The following MLLT3 variants were observed in gnomAD, a reference collection of about 807,000 sequenced individuals.
MLLT3 encodes MLLT3 super elongation complex subunit.
Under a neutral mutation model 53.2 loss-of-function variants are expected in MLLT3, and 4 were observed. The ratio of observed to expected loss-of-function variants is 0.08; its 90% CI spans 0.04 to 0.17. The LOEUF is 0.17. MLLT3 is among the 10% of genes least tolerant of loss of function. The probability of loss-of-function intolerance (pLI) is 1.00; values close to 1 mark genes in which losing one functional copy is unlikely to be tolerated. For synonymous variants in MLLT3, 283 were observed against 230.6 expected (o/e 1.23, Z -2.06); for missense variants, 569 against 684.0 (o/e 0.83, Z 1.87).
At chr9:20,559,182 A>G (rs2131150348) in intron 2 of MLLT3, among the ~76,000 whole-genome samples, 1 of 152,302 alleles carries the variant, frequency 6.6e-6, no homozygotes, top group South Asian at 2.1e-4. Flanking sequence ...GTAAAGTTAT[A>G]CTTTATAATA....
intron 8 of MLLT3, among the ~76,000 whole-genome samples, chr9:20,359,343 G>A (rs1158926183): frequency 6.6e-6 from 1 of 152,056 alleles, no homozygotes; most frequent in East Asian, 1.9e-4. Context: ...ACTTGTGGTG[G>A]CAGGCATCCA....
At chr9:20,591,272 G>C (rs1415263102) in intron 2 of MLLT3, among the ~76,000 whole-genome samples, 1 of 152,112 alleles carries the variant, frequency 6.6e-6, no homozygotes, top group African/African-American at 2.4e-5. Context: ...TACAGCAGAG[G>C]TGCTGCAATT....
intron 5 of MLLT3, among the ~76,000 whole-genome samples, chr9:20,377,729 TG>T (rs1029769614): frequency 2.0e-5 from 3 of 152,176 alleles, no homozygotes; most frequent in Admixed American, 1.3e-4. Context: ...ATGTGAAACC[TG>T]GATTTACTAT....
chr9:20,407,749 C>T lies in MLLT3; in HGVS notation c.1125+5972G>A, dbSNP rs76692643. Among the ~76,000 whole-genome samples the T allele has an allele frequency of 2.6e-4, 39 of 152,212 alleles. No homozygotes were observed. The East Asian group carries it at 7.3e-3, about 29-fold the overall frequency. On this transcript the variant is annotated intron_variant, in intron 5 of 10. Transcript: ENST00000380338. ...CTTCATCTTGGAGCCTCAGCTTTTT[C>T]ATCCATAAAATGGCAATAATAATAA... is the stretch of plus-strand genomic sequence containing the variant.
At chr9:20,486,659 C>T (rs1586987182) in intron 2 of MLLT3, among the ~76,000 whole-genome samples, 1 of 152,178 alleles carries the variant, frequency 6.6e-6, no homozygotes, top group Non-Finnish European at 1.5e-5. Flanking sequence ...GGTATCACCT[C>T]TTTGGAAGAC....
At chr9:20,360,399 G>A (rs147627287) in intron 8 of MLLT3, among the ~76,000 whole-genome samples, 1 of 152,140 alleles carries the variant, frequency 6.6e-6, no homozygotes. Flanking sequence ...TCTATACTAG[G>A]CCCAAAGGTC....
chr9:20,478,477 T>C (rs948156467), intron 2 of MLLT3, among the ~76,000 whole-genome samples: 54 of 151,970 alleles, frequency 3.6e-4, no homozygotes, highest in African/African-American at 1.3e-3. Flanking sequence ...ACATAGAACA[T>C]GGCTGGTGAA....
chr9:20,509,482 G>A (rs1271305999), intron 2 of MLLT3, among the ~76,000 whole-genome samples: 2 of 152,170 alleles, frequency 1.3e-5, no homozygotes, highest in African/African-American at 4.8e-5. Flanking sequence ...CAGGCATTGA[G>A]TAAGAGGTGG....
intron 5 of MLLT3, among the ~76,000 whole-genome samples, chr9:20,394,163 T>G (rs1170581153): frequency 1.3e-5 from 2 of 152,142 alleles, no homozygotes; most frequent in African/African-American, 2.4e-5. Flanking sequence ...GGCTTCTGGA[T>G]GCAGGCTGAG....
At chr9:20,474,479 G>T (rs1366345236) in intron 2 of MLLT3, among the ~76,000 whole-genome samples, 1 of 151,996 alleles carries the variant, frequency 6.6e-6, no homozygotes, top group African/African-American at 2.4e-5. Flanking sequence ...ACCCTATCTT[G>T]TCATTCTGTT....
intron 5 of MLLT3, among the ~76,000 whole-genome samples, chr9:20,383,239 C>T (rs1185262411): frequency 6.6e-6 from 1 of 151,854 alleles, no homozygotes; most frequent in African/African-American, 2.4e-5. Context: ...ATGCAGCTAT[C>T]AGCTCTATGA....
intron 2 of MLLT3, among the ~76,000 whole-genome samples, chr9:20,490,585 T>C (rs1306477671): frequency 1.3e-5 from 2 of 152,218 alleles, no homozygotes; most frequent in African/African-American, 4.8e-5. Context: ...AGAGCCCAGC[T>C]GGCAACACCT....
chr9:20,565,986 ATT>A (rs1491223259), intron 2 of MLLT3, among the ~76,000 whole-genome samples: 5 of 51,670 alleles, frequency 9.7e-5, no homozygotes, highest in African/African-American at 3.5e-4. Context: ...ATATATATTT[ATT>A]TATATATTTA....
At chr9:20,363,643 T>C (rs1482208487) in intron 6 of MLLT3, 38 bp from the exon 7 acceptor site, 1 of 1,606,866 alleles carries the variant, frequency 6.2e-7, no homozygotes, top group South Asian at 1.1e-5. Context: ...ATCAAACATA[T>C]ACTCAAACAC....
At chr9:20,597,702 T>G (rs1820312299) in intron 2 of MLLT3, among the ~76,000 whole-genome samples, 1 of 152,198 alleles carries the variant, frequency 6.6e-6, no homozygotes, top group African/African-American at 2.4e-5. Context: ...ACTAGCTTTG[T>G]TTTTTCTTTC....
rs144073105 is a variant in MLLT3 at position 20,506,283 on chromosome 9, C to T, written c.194-49497G>A. ...CTTGAACTTCTGAGCTCAGGAGATC[C>T]GCCCACCTCAGCCTCCCGAAGTGCT... is the stretch of plus-strand genomic sequence containing the variant. On this transcript the variant is annotated intron_variant, in intron 2 of 10. Coordinates refer to ENST00000380338, the MANE Select transcript of MLLT3 (RefSeq NM_004529.4). Among the ~76,000 whole-genome samples the T allele has an allele frequency of 6.6e-4, 100 of 152,206 alleles. 1 individual carries two copies. The highest frequency in any genetic ancestry group is 2.0e-3 in the African/African-American group (81 of 41,530).
chr9:20,549,349 A>G (rs915701108), intron 2 of MLLT3, among the ~76,000 whole-genome samples: 1 of 152,198 alleles, frequency 6.6e-6, no homozygotes, highest in Non-Finnish European at 1.5e-5. Context: ...AATTGTTGGT[A>G]ACAATCTCTG....
chr9:20,515,775 G>C (rs1465802391), intron 2 of MLLT3, among the ~76,000 whole-genome samples: 1 of 152,132 alleles, frequency 6.6e-6, no homozygotes, highest in Admixed American at 6.5e-5. Flanking sequence ...GTCATAACAG[G>C]CAGCAGCCTC....
At chr9:20,517,469 A>AT (rs1339778039) in intron 2 of MLLT3, among the ~76,000 whole-genome samples, 1 of 151,862 alleles carries the variant, frequency 6.6e-6, no homozygotes, top group Non-Finnish European at 1.5e-5. Context: ...AAAAAAAAAA[A>AT]GAAAATTGGT....
Sources: allele counts gnomAD v4.1 joint callset (sites outside exome capture counted in the v4.1 genomes callset), GRCh38; gene constraint gnomAD v4.1.1; transcripts MANE v1.5; gene names NCBI Gene and HGNC (gene_info 2026-07-23, HGNC 2026-07-21).